Variants in RBMS1 observed in about 807,000 individuals in gnomAD.
The protein encoded by RBMS1 is RNA-binding motif, single-stranded-interacting protein 1.
In RBMS1, 17 loss-of-function variants were observed where a neutral mutation model predicts 62.3. That is an observed-to-expected ratio of 0.27 (90% CI 0.19 to 0.41). The LOEUF (loss-of-function observed/expected upper bound fraction) is 0.41. RBMS1 is among the 10% of genes least tolerant of loss of function. RBMS1 has a pLI of 1.00. For missense variants in RBMS1, 334 were observed against 504.5 expected (o/e 0.66, Z 3.24); for synonymous variants, 172 against 170.0 (o/e 1.01, Z -0.09).
intron 9 of RBMS1, chr2:160,282,399 C>A: frequency 9.5e-7 from 1 of 1,057,690 alleles, no homozygotes; most frequent in Non-Finnish European, 1.4e-6. Flanking sequence ...TTTCTTGCAG[C>A]TGCCAATTTC....
chr2:160,317,827 G>A (rs1690311654), intron 3 of RBMS1, among the ~76,000 whole-genome samples: 1 of 152,172 alleles, frequency 6.6e-6, no homozygotes, highest in African/African-American at 2.4e-5. Context: ...TCTTCAGTAA[G>A]CAGCTCTAAT....
intron 1 of RBMS1, among the ~76,000 whole-genome samples, chr2:160,395,363 G>A (rs563045310): frequency 1.1e-4 from 16 of 152,160 alleles, no homozygotes; most frequent in African/African-American, 3.9e-4. Flanking sequence ...AGTGGCTCAC[G>A]CCTGTAATCC....
intron 1 of RBMS1, among the ~76,000 whole-genome samples, chr2:160,457,839 G>A (rs1217105943): frequency 3.3e-5 from 5 of 152,122 alleles, no homozygotes; most frequent in Middle Eastern, 3.4e-3. Context: ...TGGCATTCTC[G>A]GGTGCAGCTC....
rs557720979 is a variant in RBMS1 at position 160,293,346 on chromosome 2, T to A, written c.641-6262A>T. On this transcript the variant is annotated intron_variant, in intron 6 of 13. Coordinates refer to ENST00000348849, the MANE Select transcript of RBMS1 (RefSeq NM_016836.4). ...AGTTATGAAATGTGGGCAAGAGCGGTTTTCAAGCCCCACTGGACACATAAC... is the reference window on the plus strand; with the variant it reads ...AGTTATGAAATGTGGGCAAGAGCGGATTTCAAGCCCCACTGGACACATAAC... Among the ~76,000 whole-genome samples, 3 of 151,842 alleles carry A rather than the reference T, an allele frequency of 2.0e-5. No homozygotes were observed. The East Asian group carries it at 5.8e-4, about 29-fold the overall frequency.
At chr2:160,375,167 C>T (rs1693931826) in intron 1 of RBMS1, among the ~76,000 whole-genome samples, 2 of 152,082 alleles carry the variant, frequency 1.3e-5, no homozygotes, top group Admixed American at 6.5e-5. Flanking sequence ...AAGACAGAGC[C>T]CAGTCAGGAC....
intron 2 of RBMS1, among the ~76,000 whole-genome samples, chr2:160,343,686 T>C (rs1220491274): frequency 6.6e-6 from 1 of 152,190 alleles, no homozygotes; most frequent in African/African-American, 2.4e-5. Context: ...GAGGCATCTG[T>C]GATTGTAAAA....
chr2:160,388,580 C>T (rs1220082479), intron 1 of RBMS1, among the ~76,000 whole-genome samples: 1 of 152,164 alleles, frequency 6.6e-6, no homozygotes, highest in African/African-American at 2.4e-5. Flanking sequence ...CCCATCTTGT[C>T]CCTTGCTCCA....
intron 2 of RBMS1, among the ~76,000 whole-genome samples, chr2:160,324,352 G>A (rs528551963): frequency 2.1e-3 from 326 of 152,270 alleles, no homozygotes; most frequent in African/African-American, 7.0e-3. Context: ...GGAGAGTGGC[G>A]TCCACTCCAA....
In RBMS1 at chr2:160,313,168, A is replaced by T. The variant is rs769259654; in HGVS notation, c.390T>A (p.Ala130=). Residue 130 remains alanine (A), a synonymous_variant, in exon 4 of 14, where the codon GCT becomes GCA. Coordinates refer to ENST00000348849, the MANE Select transcript of RBMS1 (RefSeq NM_016836.4). ...VSALKASGVQ[A]QMAKQQEQDP... ...GCTCTCAACTCACCTTTGCCATTTG[A>T]GCTTGAACCCCACTGGCCTTCAGGG... The T allele has an allele frequency of 8.1e-6, 13 of 1,613,428 alleles. No homozygotes were observed. In the South Asian group the frequency reaches 1.4e-4, roughly 18 times the overall value.
At chr2:160,432,829 A>C (rs1682954771) in intron 1 of RBMS1, among the ~76,000 whole-genome samples, 1 of 152,188 alleles carries the variant, frequency 6.6e-6, no homozygotes, top group African/African-American at 2.4e-5. Context: ...TTTGTGACAC[A>C]CTGGTGTGTC....
chr2:160,484,363 C>T lies in RBMS1; in HGVS notation c.75+8926G>A, dbSNP rs562237044. Among the ~76,000 whole-genome samples the T allele has an allele frequency of 1.1e-4, 16 of 151,410 alleles. No individual in the cohort carries two copies. In the South Asian group the frequency reaches 2.1e-3, roughly 20 times the overall value. On this transcript the variant is annotated intron_variant, in intron 1 of 13. Coordinates refer to ENST00000348849, the MANE Select transcript of RBMS1 (RefSeq NM_016836.4). The stretch of plus-strand genomic sequence containing the variant: ...CCAAAAAATTAGCCGGACGTGGTGG[C>T]GGGCGCCTGTAGTCCCAGCTACTCG...
chr2:160,391,258 G>A (rs1378528879), intron 1 of RBMS1, among the ~76,000 whole-genome samples: 1 of 150,536 alleles, frequency 6.6e-6, no homozygotes, highest in African/African-American at 2.5e-5. Flanking sequence ...CAGGCACACA[G>A]ACAGGCAGGC....
At chr2:160,353,780 T>C (rs1467633180) in intron 2 of RBMS1, among the ~76,000 whole-genome samples, 1 of 151,996 alleles carries the variant, frequency 6.6e-6, no homozygotes, top group Non-Finnish European at 1.5e-5. Flanking sequence ...AGTTATAACA[T>C]AAAAAGACGA....
intron 1 of RBMS1, among the ~76,000 whole-genome samples, chr2:160,423,937 A>G (rs546558901): frequency 6.6e-6 from 1 of 152,284 alleles, no homozygotes; most frequent in East Asian, 1.9e-4. Flanking sequence ...GGTCTACCTC[A>G]ATGCCTTGTA....
intron 6 of RBMS1, among the ~76,000 whole-genome samples, chr2:160,299,277 G>A (rs1344055394): frequency 6.6e-6 from 1 of 152,184 alleles, no homozygotes; most frequent in African/African-American, 2.4e-5. Context: ...TTTCTAGATT[G>A]TAAAGACTTA....
At chr2:160,324,901 TATATATACACACACACAC>T (rs1343029964) in intron 2 of RBMS1, among the ~76,000 whole-genome samples, 1 of 118,764 alleles carries the variant, frequency 8.4e-6, no homozygotes. Context: ...TATATATATA[TATATATACACACACACAC>T]ACACACACAC....
rs1559318238 is a variant in RBMS1 at position 160,284,881 on chromosome 2, C to CA, written c.807-14dup. ...TGAAGGATAAAATCTAGAACAAACA[C>CA]AAAAGCCTTTATTAAGTAATCCTTT... is the stretch of plus-strand genomic sequence containing the variant. On this transcript the variant is annotated splice_polypyrimidine_tract_variant and intron_variant, in intron 8 of 13. Transcript: ENST00000348849. 3 of 1,584,916 alleles carry CA rather than the reference C, an allele frequency of 1.9e-6. No homozygotes were observed. Among genetic ancestry groups the CA allele is most frequent in the Non-Finnish European group, 2.6e-6 (3 of 1,155,430 alleles).
intron 4 of RBMS1, among the ~76,000 whole-genome samples, chr2:160,310,702 C>T (rs577346643): frequency 7.3e-4 from 97 of 132,804 alleles, no homozygotes; most frequent in African/African-American, 2.5e-3. Context: ...AGTTGTTTTC[C>T]GAGTGTGCCC....
intron 1 of RBMS1, among the ~76,000 whole-genome samples, chr2:160,464,612 A>G (rs1684611458): frequency 6.6e-6 from 1 of 152,218 alleles, no homozygotes; most frequent in African/African-American, 2.4e-5. Flanking sequence ...AGGTGGTTAT[A>G]TTGGTATCTT....
Sources: allele counts gnomAD v4.1 joint callset (sites outside exome capture counted in the v4.1 genomes callset), GRCh38; gene constraint gnomAD v4.1.1; transcripts MANE v1.5; gene names NCBI Gene and HGNC (gene_info 2026-07-23, HGNC 2026-07-21).